The following FAM227B variants were observed in gnomAD, a reference collection of about 807,000 sequenced individuals.
FAM227B encodes the protein family with sequence similarity 227 member B.
A neutral mutation model predicts 73.8 loss-of-function variants in FAM227B; 88 were observed. The observed-to-expected ratio is 1.19, with a 90% confidence interval of 1.00 to 1.42. The LOEUF is 1.42. FAM227B is among the 40% of genes most tolerant of loss of function. The pLI is 0.00. For missense variants in FAM227B, 632 were observed against 590.9 expected (o/e 1.07, Z -0.72); for synonymous variants, 210 against 190.5 (o/e 1.10, Z -0.84).
intron 7 of FAM227B, chr15:49,576,170 T>C (rs2152376436): frequency 6.6e-6 from 1 of 152,522 alleles, no homozygotes; most frequent in East Asian, 1.9e-4. Flanking sequence ...AAAGAACATA[T>C]GTAATGTACA....
chr15:49,561,129 A>G (rs1457141612), intron 9 of FAM227B, among the ~76,000 whole-genome samples: 1 of 152,204 alleles, frequency 6.6e-6, no homozygotes, highest in Non-Finnish European at 1.5e-5. Flanking sequence ...TTTCCTCAAG[A>G]GACCCATCTC....
At chr15:49,354,618 T>TGCTA (rs1375278231) in intron 13 of FAM227B, among the ~76,000 whole-genome samples, 8 of 152,136 alleles carry the variant, frequency 5.3e-5, no homozygotes, top group Admixed American at 2.0e-4. Flanking sequence ...TCTCGCTGAT[T>TGCTA]GCTAGCACAG....
intron 9 of FAM227B, among the ~76,000 whole-genome samples, chr15:49,543,604 T>G (rs1182138670): frequency 6.6e-6 from 1 of 152,236 alleles, no homozygotes; most frequent in East Asian, 1.9e-4. Context: ...AAGAGTTTTT[T>G]CAATGTTATC....
Position 49,427,175 on chromosome 15 carries a change from T to C in FAM227B, c.1013-55776A>G, listed in dbSNP as rs1455120378. Among the ~76,000 whole-genome samples, 5 of 152,156 alleles carry C rather than the reference T, an allele frequency of 3.3e-5. No homozygotes were observed. The East Asian group carries it at 9.7e-4, about 29-fold the overall frequency. ...ATGTCCAATTGTGCTAATTGACACA[T>C]GTGAAGTTGAAGCTGCTATATTAGG... is the stretch of plus-strand genomic sequence containing the variant. On this transcript the variant is annotated intron_variant, in intron 11 of 15. Coordinates refer to ENST00000299338, the MANE Select transcript of FAM227B (RefSeq NM_152647.3).
chr15:49,349,357 T>A (rs1190790055), intron 13 of FAM227B, among the ~76,000 whole-genome samples: 1 of 152,146 alleles, frequency 6.6e-6, no homozygotes, highest in Non-Finnish European at 1.5e-5. Context: ...GCAGAGTTTA[T>A]AAAAGGAATA....
chr15:49,351,911 T>G (rs557756300), intron 13 of FAM227B, among the ~76,000 whole-genome samples: 1 of 152,188 alleles, frequency 6.6e-6, no homozygotes, highest in Non-Finnish European at 1.5e-5. Flanking sequence ...ACAAACAACC[T>G]CAAAAACTTA....
chr15:49,397,372 C>G (rs888546581), intron 11 of FAM227B, among the ~76,000 whole-genome samples: 1 of 152,130 alleles, frequency 6.6e-6, no homozygotes, highest in African/African-American at 2.4e-5. Flanking sequence ...CTACGTCTGA[C>G]TGGTGTACCT....
At chr15:49,609,483 T>C (rs1042370295) in intron 3 of FAM227B, among the ~76,000 whole-genome samples, 1 of 151,998 alleles carries the variant, frequency 6.6e-6, no homozygotes, top group African/African-American at 2.4e-5. Flanking sequence ...AGTACTATTA[T>C]AATGCTAGTT....
At chr15:49,371,972 A>C (rs866776087) in intron 11 of FAM227B, among the ~76,000 whole-genome samples, 1 of 110,014 alleles carries the variant, frequency 9.1e-6, no homozygotes, top group Non-Finnish European at 1.9e-5. Flanking sequence ...AAATAAATGA[A>C]ATAAAATTCA....
chr15:49,377,761 C>T (rs1343215493), intron 11 of FAM227B, among the ~76,000 whole-genome samples: 1 of 152,108 alleles, frequency 6.6e-6, no homozygotes, highest in Non-Finnish European at 1.5e-5. Context: ...GGTTATTAAT[C>T]CCTTGTCAGA....
chr15:49,599,884 G>A (rs1178143226), intron 3 of FAM227B, among the ~76,000 whole-genome samples: 1 of 152,038 alleles, frequency 6.6e-6, no homozygotes, highest in Non-Finnish European at 1.5e-5. Flanking sequence ...GCATTTTGTT[G>A]CTTTTGGATA....
At chr15:49,613,738 AT>A (rs1310925106) in intron 2 of FAM227B, among the ~76,000 whole-genome samples, 1 of 152,108 alleles carries the variant, frequency 6.6e-6, no homozygotes, top group Non-Finnish European at 1.5e-5. Flanking sequence ...CATGTATGCC[AT>A]AAATATATAT....
intron 13 of FAM227B, chr15:49,366,242 A>G (rs2045161594): frequency 7.6e-6 from 6 of 786,284 alleles, no homozygotes; most frequent in African/African-American, 3.4e-5. Flanking sequence ...AGTCTGCTTC[A>G]TATCTATAAA....
intron 9 of FAM227B, among the ~76,000 whole-genome samples, chr15:49,562,429 G>A (rs1005099353): frequency 6.6e-6 from 1 of 151,866 alleles, no homozygotes; most frequent in Non-Finnish European, 1.5e-5. Flanking sequence ...CAGTTGAAGA[G>A]CTGGTACCAA....
chr15:49,384,848 T>TAC (rs2046780537), intron 11 of FAM227B, among the ~76,000 whole-genome samples: 1 of 152,026 alleles, frequency 6.6e-6, no homozygotes, highest in African/African-American at 2.4e-5. Context: ...TCTTTATAAT[T>TAC]ACTTTGACAA....
chr15:49,483,092 C>T (rs542905281), intron 11 of FAM227B: 17 of 920,686 alleles, frequency 1.8e-5, no homozygotes, highest in Non-Finnish European at 2.1e-5. Flanking sequence ...AATGGCCATT[C>T]GTGGATCATT....
intron 11 of FAM227B, among the ~76,000 whole-genome samples, chr15:49,393,524 T>G (rs1436024067): frequency 6.6e-6 from 1 of 152,174 alleles, no homozygotes. Flanking sequence ...TTCCCAATCT[T>G]CACCACTAAC....
At chr15:49,490,821 T>G (rs2057027108) in intron 11 of FAM227B, among the ~76,000 whole-genome samples, 1 of 152,026 alleles carries the variant, frequency 6.6e-6, no homozygotes, top group Non-Finnish European at 1.5e-5. Context: ...ACAACCAGGC[T>G]AGATGAGAGG....
rs183529192 is a variant in FAM227B at position 49,513,396 on chromosome 15, A to G, written c.875-5048T>C. Among the ~76,000 whole-genome samples, 16 of 152,294 alleles carry G rather than the reference A, an allele frequency of 1.1e-4. No homozygotes were observed. In the East Asian group the frequency reaches 2.7e-3, roughly 26 times the overall value. On this transcript the variant is annotated intron_variant, in intron 10 of 15. Coordinates refer to ENST00000299338, the MANE Select transcript of FAM227B (RefSeq NM_152647.3). Reference sequence around the variant, plus strand: ...TTTGATACATTTGTTGGCCACATAAATATCTTCTTTTGAGAAGTGTCTCTT... The same window carrying G: ...TTTGATACATTTGTTGGCCACATAAGTATCTTCTTTTGAGAAGTGTCTCTT...
Sources: allele counts gnomAD v4.1 joint callset (sites outside exome capture counted in the v4.1 genomes callset), GRCh38; gene constraint gnomAD v4.1.1; transcripts MANE v1.5; gene names NCBI Gene and HGNC (gene_info 2026-07-23, HGNC 2026-07-21).